Variants in GALNT13 observed in about 807,000 individuals in gnomAD.
GALNT13 encodes the protein UDP-GalNAc:polypeptide N-acetylgalactosaminyltransferase 13.
A neutral mutation model predicts 64.2 loss-of-function variants in GALNT13; 28 were observed. The observed-to-expected ratio is 0.44, with a 90% CI of 0.32 to 0.60. The LOEUF (loss-of-function observed/expected upper bound fraction) is 0.60. Among genes scored for constraint, GALNT13 ranks in the 20% least tolerant of loss-of-function variants. The pLI is 0.05. For missense variants in GALNT13, 577 were observed against 669.8 expected, an observed-to-expected ratio of 0.86 and a Z score of 1.53; for synonymous variants, 214 against 224.6, an observed-to-expected ratio of 0.95 and a Z score of 0.42.
At chr2:154,384,372 T>C (rs1362407373) in intron 9 of GALNT13, among the ~76,000 whole-genome samples, 1 of 151,858 alleles carries the variant, frequency 6.6e-6, no homozygotes, top group African/African-American at 2.4e-5. Flanking sequence ...CTATTTAACT[T>C]TGTTTTACCC....
intron 4 of GALNT13, among the ~76,000 whole-genome samples, chr2:154,216,490 T>A (rs2105812373): frequency 6.6e-6 from 1 of 152,240 alleles, no homozygotes; most frequent in Admixed American, 6.5e-5. Flanking sequence ...TTCTTGTTAA[T>A]TTTTTATTGA....
chr2:154,207,200 G>A (rs1208271045), intron 4 of GALNT13, among the ~76,000 whole-genome samples: 4 of 152,066 alleles, frequency 2.6e-5, no homozygotes, highest in Admixed American at 6.6e-5. Flanking sequence ...TTGAAATCTG[G>A]CTACCTCCAA....
At chr2:153,998,470 G>T (rs7602556) in intron 3 of GALNT13, among the ~76,000 whole-genome samples, 1 of 151,770 alleles carries the variant, frequency 6.6e-6, no homozygotes, top group South Asian at 2.1e-4. Flanking sequence ...CATATCCTTC[G>T]CCCACTTTTT....
At chr2:153,732,555 A>G in the GALNT13 span, among the ~76,000 whole-genome samples, 1 of 152,028 alleles carries the variant, frequency 6.6e-6, no homozygotes, top group South Asian at 2.1e-4. Flanking sequence ...TTAAGACTTA[A>G]AAATGTGTAC....
At chr2:153,135,367 G>A in the GALNT13 span, among the ~76,000 whole-genome samples, 15 of 152,194 alleles carry the variant, frequency 9.9e-5, no homozygotes, top group East Asian at 9.7e-4. Context: ...CTCCATCTGC[G>A]AATGACCAGG....
chr2:153,211,449 C>A, the GALNT13 span, among the ~76,000 whole-genome samples: 2 of 152,250 alleles, frequency 1.3e-5, no homozygotes, highest in Middle Eastern at 3.4e-3. Context: ...AGCCGACAAA[C>A]CTTTTAAACA....
chr2:153,731,909 G>T, the GALNT13 span, among the ~76,000 whole-genome samples: 1 of 151,790 alleles, frequency 6.6e-6, no homozygotes, highest in Non-Finnish European at 1.5e-5. Context: ...ATAAAGTAAC[G>T]GGTTCTACTG....
At chr2:153,799,614 G>C in the GALNT13 span, among the ~76,000 whole-genome samples, 1 of 152,084 alleles carries the variant, frequency 6.6e-6, no homozygotes, top group African/African-American at 2.4e-5. Flanking sequence ...ACTATAGTCA[G>C]TTATATTATT....
the GALNT13 span, among the ~76,000 whole-genome samples, chr2:153,144,742 A>G: frequency 6.6e-6 from 1 of 151,924 alleles, no homozygotes; most frequent in African/African-American, 2.4e-5. Flanking sequence ...TGTCTGGGGA[A>G]AAGCAGTAAT....
chr2:154,116,267 AT>A (rs1681558508), intron 3 of GALNT13, among the ~76,000 whole-genome samples: 1 of 152,154 alleles, frequency 6.6e-6, no homozygotes, highest in African/African-American at 2.4e-5. Context: ...ACACATCCTC[AT>A]TCCAAGTTTT....
At chr2:153,626,624 C>A in the GALNT13 span, among the ~76,000 whole-genome samples, 89 of 152,180 alleles carry the variant, frequency 5.8e-4, no homozygotes, top group Non-Finnish European at 1.1e-3. Flanking sequence ...CAATAAAAAA[C>A]TTTAAATACT....
chr2:153,418,508 G>A, the GALNT13 span, among the ~76,000 whole-genome samples: 1 of 152,170 alleles, frequency 6.6e-6, no homozygotes, highest in African/African-American at 2.4e-5. Flanking sequence ...GGCCAAATGA[G>A]GAAGTGTTTC....
intron 11 of GALNT13, among the ~76,000 whole-genome samples, chr2:154,414,778 T>A (rs891298742): frequency 1.3e-5 from 2 of 151,982 alleles, no homozygotes; most frequent in Admixed American, 6.6e-5. Flanking sequence ...TTTTCTGACT[T>A]TTTGTTTACA....
At chr2:153,533,723 C>CTTTTTTGTTTTTTTTTTTTTTTT in the GALNT13 span, among the ~76,000 whole-genome samples, 1 of 48,732 alleles carries the variant, frequency 2.1e-5, no homozygotes, top group Non-Finnish European at 3.6e-5. Context: ...TGAGGTTTTT[C>CTTTTTTGTTTTTTTTTTTTTTTT]TTTTTTTTTT....
chr2:154,444,217 A>G (rs1344364309), intron 12 of GALNT13, among the ~76,000 whole-genome samples: 4 of 152,086 alleles, frequency 2.6e-5, no homozygotes, highest in African/African-American at 9.7e-5. Context: ...TGCAACAAAA[A>G]CAGATATAAC....
the GALNT13 span, among the ~76,000 whole-genome samples, chr2:153,443,245 C>T: frequency 2.0e-5 from 3 of 152,244 alleles, no homozygotes; most frequent in Non-Finnish European, 2.9e-5. Flanking sequence ...GTATCTGGGC[C>T]GGATTACACA....
At chr2:153,141,617 T>A in the GALNT13 span, among the ~76,000 whole-genome samples, 1 of 152,012 alleles carries the variant, frequency 6.6e-6, no homozygotes, top group Non-Finnish European at 1.5e-5. Context: ...AGCTTCATCA[T>A]GCAGAGCTGG....
At chr2:154,211,629 C>CAAAAAAAAAAAAA (rs140095331) in intron 4 of GALNT13, among the ~76,000 whole-genome samples, 18 of 37,950 alleles carry the variant, frequency 4.7e-4, no homozygotes, top group South Asian at 1.7e-3. Context: ...ACTCCATCTC[C>CAAAAAAAAAAAAA]AAAAAAAAAA....
At chr2:153,885,816 A>T (rs895343424) in intron 1 of GALNT13, among the ~76,000 whole-genome samples, 4 of 152,104 alleles carry the variant, frequency 2.6e-5, no homozygotes, top group African/African-American at 9.7e-5. Flanking sequence ...AGCTGATCAA[A>T]ATAATTGCTG....
Sources: gnomAD v4.1 joint callset for allele counts (sites outside exome capture counted in the v4.1 genomes callset) on GRCh38, gnomAD v4.1.1 for gene constraint, MANE v1.5 for transcripts, NCBI Gene and HGNC (gene_info 2026-07-23, HGNC 2026-07-21) for gene names.